DPP10: variants seen among roughly 807,000 people sequenced by gnomAD.
DPP10 encodes the protein inactive dipeptidyl peptidase 10.
Under a neutral mutation model 120.9 loss-of-function variants are expected in DPP10, and 33 were observed. The observed-to-expected ratio is 0.27, with a 90% CI of 0.21 to 0.37. The LOEUF (loss-of-function observed/expected upper bound fraction) is 0.37, where lower values mean the gene tolerates loss of function less well. Ranked by LOEUF, DPP10 falls within the 10% of genes least tolerant of loss-of-function variation. DPP10 has a pLI of 1.00. For synonymous variants in DPP10, 337 were observed against 326.1 expected (o/e 1.03, Z -0.36); for missense variants, 816 against 942.8 (o/e 0.87, Z 1.76).
At chr2:115,086,542 C>T (rs1473129775) in intron 1 of DPP10, among the ~76,000 whole-genome samples, 2 of 151,648 alleles carry the variant, frequency 1.3e-5, no homozygotes, top group African/African-American at 2.4e-5. Context: ...CTGCAAGCTC[C>T]GCCTTCCGGG....
chr2:114,862,523 C>T (rs1689892921), intron 1 of DPP10, among the ~76,000 whole-genome samples: 1 of 151,932 alleles, frequency 6.6e-6, no homozygotes, highest in Non-Finnish European at 1.5e-5. Context: ...TGAAACCAAA[C>T]ATTCCAATTA....
chr2:114,866,870 G>A (rs898903989), intron 1 of DPP10, among the ~76,000 whole-genome samples: 2 of 152,172 alleles, frequency 1.3e-5, no homozygotes, highest in Non-Finnish European at 2.9e-5. Flanking sequence ...TATATCTAAG[G>A]CTAGTTAATA....
In DPP10 at chr2:115,239,538, G is replaced by A. The variant is rs186578232; in HGVS notation, c.61-69701G>A. On this transcript the variant is annotated intron_variant, in intron 1 of 25. Coordinates refer to ENST00000410059, the MANE Select transcript of DPP10 (RefSeq NM_020868.6). ...TTGGCAATAAAGTGTTTTCTAATTA[G>A]GATATGTCCACTTTTTTTAGATGTA... is the stretch of plus-strand genomic sequence containing the variant. Among the ~76,000 whole-genome samples the A allele has an allele frequency of 3.3e-5, 5 of 152,236 alleles. No individual in the cohort carries two copies. In the East Asian group the frequency reaches 9.7e-4, roughly 29 times the overall value.
chr2:115,366,075 C>T (rs2065060446), intron 3 of DPP10, among the ~76,000 whole-genome samples: 1 of 151,786 alleles, frequency 6.6e-6, no homozygotes, highest in Non-Finnish European at 1.5e-5. Context: ...CAGTCAGAGC[C>T]AGGGATTTTC....
At chr2:115,466,626 C>G (rs1285615311) in intron 3 of DPP10, among the ~76,000 whole-genome samples, 2 of 152,080 alleles carry the variant, frequency 1.3e-5, no homozygotes, top group African/African-American at 2.4e-5. Context: ...CATCTTATTA[C>G]TTTTGTGAAA....
At chr2:115,608,581 G>A (rs1258471883) in intron 5 of DPP10, among the ~76,000 whole-genome samples, 1 of 152,118 alleles carries the variant, frequency 6.6e-6, no homozygotes, top group African/African-American at 2.4e-5. Context: ...AACTAATGTT[G>A]TTCTGGTCAC....
intron 1 of DPP10, among the ~76,000 whole-genome samples, chr2:114,852,398 T>TA (rs1325329087): frequency 1.3e-5 from 2 of 152,042 alleles, no homozygotes; most frequent in Non-Finnish European, 2.9e-5. Flanking sequence ...AATATTTTTT[T>TA]AAAAAATGGA....
chr2:115,815,128 A>ATT (rs201073818), intron 20 of DPP10, 141 bp downstream of exon 20: 46 of 730,932 alleles, frequency 6.3e-5, no homozygotes, highest in African/African-American at 4.1e-4. Context: ...AGCCTATTTC[A>ATT]TTTTTTTTTT....
chr2:115,491,206 T>C (rs1486135765), intron 3 of DPP10, among the ~76,000 whole-genome samples: 1 of 152,128 alleles, frequency 6.6e-6, no homozygotes, highest in African/African-American at 2.4e-5. Flanking sequence ...GAGAAGAGAC[T>C]TAACTCCAAC....
intron 1 of DPP10, among the ~76,000 whole-genome samples, chr2:115,031,637 A>T (rs560504203): frequency 4.6e-5 from 7 of 152,318 alleles, no homozygotes; most frequent in African/African-American, 1.4e-4. Flanking sequence ...TTTTCTGTTT[A>T]TCCTTTTCTC....
At chr2:114,773,798 A>G (rs1681481426) in intron 1 of DPP10, among the ~76,000 whole-genome samples, 1 of 152,154 alleles carries the variant, frequency 6.6e-6, no homozygotes, top group Non-Finnish European at 1.5e-5. Context: ...AAATCCATAT[A>G]CAATTAATTG....
chr2:114,896,357 G>T (rs778808416), intron 1 of DPP10, among the ~76,000 whole-genome samples: 10 of 152,098 alleles, frequency 6.6e-5, no homozygotes, highest in Non-Finnish European at 1.3e-4. Flanking sequence ...TGATTCTTCT[G>T]ACCCACGAGC....
At chr2:114,877,076 T>C (rs1000923657) in intron 1 of DPP10, among the ~76,000 whole-genome samples, 4 of 152,118 alleles carry the variant, frequency 2.6e-5, no homozygotes, top group Admixed American at 6.6e-5. Context: ...TATATGACTA[T>C]TTAACTTGCA....
At chr2:115,228,588 T>TA (rs1239383275) in intron 1 of DPP10, among the ~76,000 whole-genome samples, 1 of 151,988 alleles carries the variant, frequency 6.6e-6, no homozygotes, top group Non-Finnish European at 1.5e-5. Flanking sequence ...AATTTTTTTT[T>TA]AAAAAATTTA....
At chr2:115,788,918 A>G (rs1329420793) in intron 17 of DPP10, among the ~76,000 whole-genome samples, 1 of 152,110 alleles carries the variant, frequency 6.6e-6, no homozygotes, top group African/African-American at 2.4e-5. Context: ...GGAGATCGAG[A>G]CCATCCTGGC....
At chr2:114,874,335 C>A (rs1690969210) in intron 1 of DPP10, among the ~76,000 whole-genome samples, 1 of 152,118 alleles carries the variant, frequency 6.6e-6, no homozygotes, top group Non-Finnish European at 1.5e-5. Flanking sequence ...ATGTTTGAGA[C>A]AACTTCAAAT....
chr2:114,876,184 A>T (rs79006211), intron 1 of DPP10, among the ~76,000 whole-genome samples: 3,273 of 152,238 alleles, frequency 0.021, 126 homozygotes, highest in African/African-American at 0.076. Context: ...CTCAGTCTCT[A>T]TAACGATCCT....
chr2:114,599,659 A>G (rs1021420990), intron 1 of DPP10, among the ~76,000 whole-genome samples: 2 of 150,830 alleles, frequency 1.3e-5, no homozygotes, highest in Non-Finnish European at 3.0e-5. Context: ...TGTTGTTTCT[A>G]GTTTTGCGCT....
At chr2:114,719,963 G>A (rs1701600267) in intron 1 of DPP10, among the ~76,000 whole-genome samples, 1 of 152,198 alleles carries the variant, frequency 6.6e-6, no homozygotes, top group African/African-American at 2.4e-5. Flanking sequence ...TGTCAGGTGT[G>A]TTGACAGACT....
Sources: allele counts gnomAD v4.1 joint callset (sites outside exome capture counted in the v4.1 genomes callset), GRCh38; gene constraint gnomAD v4.1.1; transcripts MANE v1.5; gene names NCBI Gene and HGNC (gene_info 2026-07-23, HGNC 2026-07-21).